MMS19: variants seen among roughly 807,000 people sequenced by gnomAD.
The protein encoded by MMS19 is MMS19 cytosolic iron-sulfur assembly component.
Under a neutral mutation model 129.8 loss-of-function variants are expected in MMS19, and 77 were observed. The observed-to-expected ratio is 0.59, with a 90% CI of 0.49 to 0.72. The LOEUF (loss-of-function observed/expected upper bound fraction) is 0.72, where lower values mean the gene tolerates loss of function less well. Among genes scored for constraint, MMS19 ranks in the 30% least tolerant of loss-of-function variants. The pLI is 0.00. For missense variants in MMS19, 1,168 were observed against 1,266.3 expected (o/e 0.92, Z 1.18); for synonymous variants, 491 against 502.8 (o/e 0.98, Z 0.31).
At chr10:97,477,278 G>C in intron 6 of MMS19, 69 bp downstream of exon 6, 1 of 1,612,674 alleles carries the variant, frequency 6.2e-7, no homozygotes, top group Non-Finnish European at 8.5e-7. Context: ...GGTAAAATGA[G>C]TCCTACTAAT....
chr10:97,469,196 G>A, intron 11 of MMS19, 92 bp from the exon 12 acceptor site: 1 of 1,437,332 alleles, frequency 7.0e-7, no homozygotes, highest in African/African-American at 1.4e-5. Context: ...GGAGAGGGGA[G>A]TGAGAACCTC....
At chr10:97,478,648 CA>C (rs1166399358) in intron 3 of MMS19, among the ~76,000 whole-genome samples, 1 of 152,208 alleles carries the variant, frequency 6.6e-6, no homozygotes, top group Non-Finnish European at 1.5e-5. Context: ...TGCCTTTCTA[CA>C]GAACTAGAGT....
intron 3 of MMS19, 134 bp from the exon 4 acceptor site, chr10:97,478,523 G>A (rs2036177672): frequency 1.6e-6 from 1 of 637,028 alleles, no homozygotes. Context: ...CAAGAGACAT[G>A]TCCTGTGCCT....
intron 8 of MMS19, among the ~76,000 whole-genome samples, chr10:97,476,130 T>C (rs528131756): frequency 7.9e-4 from 121 of 152,332 alleles, no homozygotes; most frequent in Non-Finnish European, 1.6e-3. Flanking sequence ...GGAACTCAAC[T>C]GCAGAATGGG....
At chr10:97,497,287 T>C (rs1028588537) in intron 1 of MMS19, among the ~76,000 whole-genome samples, 3 of 152,242 alleles carry the variant, frequency 2.0e-5, no homozygotes, top group African/African-American at 7.2e-5. Flanking sequence ...CATGATTGAA[T>C]TAAAGTGGAA....
chr10:97,464,652 G>A (rs1418851693), intron 18 of MMS19, among the ~76,000 whole-genome samples: 2 of 151,500 alleles, frequency 1.3e-5, no homozygotes, highest in Non-Finnish European at 2.9e-5. Context: ...TTAGGGTGAT[G>A]CCTCTCAATT....
At position 97,466,686 on chromosome 10, in the gene MMS19, TAAG is replaced by T. The variant is rs2033565545; in HGVS notation, c.1423+87_1423+89del. ...AATCCCAAATCATCCAGAGTTGCAG[TAAG>T]AAGAGGATAGTAAGGCTGCTTTTCA... On this transcript the variant is annotated intron_variant, in intron 15 of 30. Coordinates refer to ENST00000438925, the MANE Select transcript of MMS19 (RefSeq NM_022362.5). 3.8e-6 allele frequency: 6 copies of T among 1,595,314 alleles called. No homozygotes were observed. In the Admixed American group the frequency reaches 6.7e-5, roughly 18 times the overall value.
intron 2 of MMS19, among the ~76,000 whole-genome samples, chr10:97,481,893 T>C (rs1018236737): frequency 6.6e-6 from 1 of 152,146 alleles, no homozygotes; most frequent in African/African-American, 2.4e-5. Flanking sequence ...AACTGTGCAT[T>C]CAGGTTGGGT....
intron 15 of MMS19, 34 bp downstream of exon 15, chr10:97,466,742 A>G (rs751025016): frequency 6.2e-7 from 1 of 1,613,870 alleles, no homozygotes; most frequent in South Asian, 1.1e-5. Context: ...GAAAAGGACC[A>G]ATATTTTCCT....
chr10:97,478,048 A>G, intron 4 of MMS19, 119 bp from the exon 5 acceptor site: 1 of 699,418 alleles, frequency 1.4e-6, no homozygotes, highest in Non-Finnish European at 2.4e-6. Flanking sequence ...GTTGAGGAAG[A>G]AGCACTAATA....
intron 1 of MMS19, among the ~76,000 whole-genome samples, chr10:97,493,183 A>G (rs1206932810): frequency 1.3e-5 from 2 of 151,868 alleles, no homozygotes; most frequent in African/African-American, 2.4e-5. Context: ...CTGATTTTTA[A>G]AGATTTTTGT....
intron 14 of MMS19, among the ~76,000 whole-genome samples, chr10:97,467,191 C>A (rs891430740): frequency 2.6e-5 from 4 of 152,166 alleles, no homozygotes; most frequent in Non-Finnish European, 4.4e-5. Flanking sequence ...ATTGGCCAGG[C>A]TGGTCTCGAA....
intron 1 of MMS19, among the ~76,000 whole-genome samples, chr10:97,495,175 A>G (rs1214017158): frequency 6.6e-6 from 1 of 152,222 alleles, no homozygotes; most frequent in Non-Finnish European, 1.5e-5. Flanking sequence ...GAAAGCACTC[A>G]GGGAACTACG....
chr10:97,489,379 G>A (rs2038477605), intron 1 of MMS19, among the ~76,000 whole-genome samples: 1 of 152,140 alleles, frequency 6.6e-6, no homozygotes, highest in African/African-American at 2.4e-5. Context: ...AGGGTTGAGA[G>A]GTAGACTATT....
chr10:97,492,414 G>A (rs1474182335), intron 1 of MMS19, among the ~76,000 whole-genome samples: 1 of 151,764 alleles, frequency 6.6e-6, no homozygotes, highest in African/African-American at 2.4e-5. Context: ...GGCAGAGCTT[G>A]CAGTGAGTGG....
At chr10:97,491,856 TAAGGCCGGGC>T (rs1253301379) in intron 1 of MMS19, among the ~76,000 whole-genome samples, 1 of 151,014 alleles carries the variant, frequency 6.6e-6, no homozygotes, top group Non-Finnish European at 1.5e-5. Flanking sequence ...AAAGTGACTA[TAAGGCCGGGC>T]ACGGTGGCTC....
At chr10:97,486,604 G>A (rs995395577) in intron 1 of MMS19, among the ~76,000 whole-genome samples, 2 of 152,034 alleles carry the variant, frequency 1.3e-5, no homozygotes. Flanking sequence ...ATCTAAAAAA[G>A]TTTAATTCAC....
chr10:97,498,390 G>A lies in MMS19; in HGVS notation c.-6C>T, dbSNP rs762641546. On this transcript the variant is annotated 5_prime_UTR_variant, in exon 1 of 31. Coordinates refer to ENST00000438925, the MANE Select transcript of MMS19 (RefSeq NM_022362.5). Reference sequence around the variant, plus strand: ...ACAGCCGCGGCAGCGGCCATAACGCGAACTAGAGACCGTGGGAGGGGATAT... The same window carrying A: ...ACAGCCGCGGCAGCGGCCATAACGCAAACTAGAGACCGTGGGAGGGGATAT... 1.1e-5 allele frequency: 17 copies of A among 1,580,188 alleles called. 1 individual carries two copies. In the South Asian group the frequency reaches 1.5e-4, roughly 14 times the overall value.
At chr10:97,466,677 G>A in intron 15 of MMS19, 92 bp from the exon 16 acceptor site, 2 of 1,588,946 alleles carry the variant, frequency 1.3e-6, no homozygotes, top group African/African-American at 2.7e-5. Flanking sequence ...AAATCATCCA[G>A]AGTTGCAGTA....
Sources: gnomAD v4.1 joint callset for allele counts (sites outside exome capture counted in the v4.1 genomes callset) on GRCh38, gnomAD v4.1.1 for gene constraint, MANE v1.5 for transcripts, NCBI Gene and HGNC (gene_info 2026-07-23, HGNC 2026-07-21) for gene names.